The following SEMA3A variants were observed in gnomAD, a reference collection of about 807,000 sequenced individuals.
SEMA3A encodes the protein semaphorin-3A.
In SEMA3A, 29 loss-of-function variants were observed where a neutral mutation model predicts 97.9. The ratio of observed to expected loss-of-function variants is 0.30; its 90% CI spans 0.22 to 0.40. The LOEUF is 0.40. Ranked by LOEUF, SEMA3A falls within the 10% of genes least tolerant of loss-of-function variation. The pLI is 1.00. For synonymous variants in SEMA3A, 321 were observed against 323.7 expected (o/e 0.99, Z 0.09); for missense variants, 763 against 951.3 (o/e 0.80, Z 2.60).
intron 3 of SEMA3A, among the ~76,000 whole-genome samples, chr7:84,124,065 T>C (rs1443555080): frequency 6.6e-6 from 1 of 152,180 alleles, no homozygotes; most frequent in East Asian, 1.9e-4. Context: ...ACAGAAACTA[T>C]GTAGGTTCAA....
At chr7:84,053,610 G>A (rs1052584591) in intron 5 of SEMA3A, among the ~76,000 whole-genome samples, 2 of 147,228 alleles carry the variant, frequency 1.4e-5, no homozygotes, top group African/African-American at 5.0e-5. Context: ...GTGTGTCTCT[G>A]CACGTGAGAT....
At chr7:84,049,128 A>G (rs1792483549) in intron 5 of SEMA3A, among the ~76,000 whole-genome samples, 1 of 152,130 alleles carries the variant, frequency 6.6e-6, no homozygotes, top group African/African-American at 2.4e-5. Context: ...AAGGAGAATT[A>G]AACATGTGAC....
At chr7:84,030,404 G>A (rs1428874923) in intron 6 of SEMA3A, among the ~76,000 whole-genome samples, 4 of 152,080 alleles carry the variant, frequency 2.6e-5, no homozygotes, top group African/African-American at 9.7e-5. Context: ...TCTGCTTTAT[G>A]AAATGAGATG....
intron 1 of SEMA3A, among the ~76,000 whole-genome samples, chr7:84,454,754 T>A (rs1217820815): frequency 6.7e-6 from 1 of 149,416 alleles, no homozygotes; most frequent in Non-Finnish European, 1.5e-5. Context: ...TGATTTTTCC[T>A]GCCATCTGGT....
chr7:83,995,621 T>G (rs1790185097), intron 12 of SEMA3A, among the ~76,000 whole-genome samples: 1 of 152,224 alleles, frequency 6.6e-6, no homozygotes, highest in East Asian at 1.9e-4. Context: ...AGGTAGTGAA[T>G]ATGACTTCCA....
chr7:84,406,750 T>C (rs1299803529), intron 1 of SEMA3A, among the ~76,000 whole-genome samples: 6 of 152,018 alleles, frequency 3.9e-5, no homozygotes, highest in African/African-American at 1.4e-4. Context: ...GTTCAACATA[T>C]GAAAATCAAT....
intron 1 of SEMA3A, among the ~76,000 whole-genome samples, chr7:84,477,524 T>C (rs1806325000): frequency 6.7e-6 from 1 of 150,054 alleles, no homozygotes; most frequent in Non-Finnish European, 1.5e-5. Context: ...ATAAATAAAA[T>C]GTGTATATTG....
chr7:84,489,213 C>T (rs1355932473), intron 1 of SEMA3A: 1 of 152,054 alleles, frequency 6.6e-6, no homozygotes, highest in South Asian at 2.1e-4. Flanking sequence ...CTCGTCAAAC[C>T]ATCAGATCTC....
intron 1 of SEMA3A, among the ~76,000 whole-genome samples, chr7:84,443,573 T>TC (rs1460620697): frequency 6.6e-6 from 1 of 152,186 alleles, no homozygotes; most frequent in Non-Finnish European, 1.5e-5. Context: ...ACTCATGATT[T>TC]CCCCTTGAAA....
chr7:84,063,266 T>C (rs1162410618), intron 4 of SEMA3A, among the ~76,000 whole-genome samples: 2 of 150,382 alleles, frequency 1.3e-5, no homozygotes, highest in African/African-American at 2.4e-5. Flanking sequence ...AAAACCCATC[T>C]GTACATCACC....
At chr7:84,141,385 C>T (rs898920506) in intron 1 of SEMA3A, among the ~76,000 whole-genome samples, 11 of 152,054 alleles carry the variant, frequency 7.2e-5, no homozygotes, top group African/African-American at 2.4e-4. Context: ...CCAACTTGTC[C>T]CTTTGTATTT....
rs1554395582 is a variant in SEMA3A, at chr7:84,488,349, CAT to C, written c.-246+4109_-246+4110del. On this transcript the variant is annotated intron_variant, in intron 1 of 3. Transcript: ENST00000424555. The stretch of plus-strand genomic sequence containing the variant: ...ACACACACACACACACACACACACA[CAT>C]ATATATATGTACTCCCCACAGATAA... 3.8e-3 allele frequency among the ~76,000 whole-genome samples: 547 copies of C among 145,538 alleles called. 3 individuals are homozygous for C. Among genetic ancestry groups the C allele is most frequent in the Non-Finnish European group, 6.0e-3 (390 of 64,932 alleles).
At chr7:84,410,581 T>C (rs550800420) in intron 1 of SEMA3A, among the ~76,000 whole-genome samples, 2 of 152,272 alleles carry the variant, frequency 1.3e-5, no homozygotes, top group East Asian at 1.9e-4. Context: ...TTGTTTTCTG[T>C]TGGAAATGTA....
At chr7:84,488,315 TATACACACAC>T (rs1487349916) in intron 1 of SEMA3A, among the ~76,000 whole-genome samples, 5 of 94,210 alleles carry the variant, frequency 5.3e-5, no homozygotes, top group Admixed American at 9.3e-5. Flanking sequence ...TTTCTTCGTA[TATACACACAC>T]ACACACACAC....
intron 2 of SEMA3A, among the ~76,000 whole-genome samples, chr7:84,329,205 C>G (rs1317473533): frequency 6.6e-6 from 1 of 151,900 alleles, no homozygotes; most frequent in Admixed American, 6.6e-5. Context: ...TGTATAAAGG[C>G]ATGAAGGCAG....
At chr7:84,476,946 A>C (rs1405429356) in intron 1 of SEMA3A, among the ~76,000 whole-genome samples, 1 of 151,752 alleles carries the variant, frequency 6.6e-6, no homozygotes, top group Non-Finnish European at 1.5e-5. Context: ...CCAGTATTTA[A>C]TTAACCTCTT....
chr7:84,384,630 G>A (rs975331432), intron 1 of SEMA3A, among the ~76,000 whole-genome samples: 2 of 152,074 alleles, frequency 1.3e-5, no homozygotes, highest in African/African-American at 2.4e-5. Flanking sequence ...AGTGATTCAG[G>A]CAGCTTCAAT....
At chr7:84,046,049 A>T (rs1049310994) in intron 6 of SEMA3A, among the ~76,000 whole-genome samples, 4 of 151,280 alleles carry the variant, frequency 2.6e-5, no homozygotes, top group African/African-American at 9.7e-5. Context: ...ATCTTTTTCC[A>T]TTTCCTCCCT....
chr7:84,489,239 C>G (rs1242628321), intron 1 of SEMA3A: 2 of 152,084 alleles, frequency 1.3e-5, no homozygotes, highest in African/African-American at 4.8e-5. Context: ...AACTCATTCA[C>G]TATCAGGAGA....
Sources: allele counts gnomAD v4.1 joint callset (sites outside exome capture counted in the v4.1 genomes callset), GRCh38; gene constraint gnomAD v4.1.1; transcripts MANE v1.5; gene names NCBI Gene and HGNC (gene_info 2026-07-23, HGNC 2026-07-21).